PARD3: variants seen among roughly 807,000 people sequenced by gnomAD.
PARD3 encodes par-3 family cell polarity regulator, also known as partitioning defective 3 homolog.
In PARD3, 75 loss-of-function variants were observed where a neutral mutation model predicts 155.4. That is an observed-to-expected ratio of 0.48 (90% CI 0.40 to 0.58). The LOEUF is 0.58. Among genes scored for constraint, PARD3 ranks in the 20% least tolerant of loss-of-function variants. The pLI is 0.00. For missense variants in PARD3, 1,642 were observed against 1,721.7 expected (o/e 0.95, Z 0.82); for synonymous variants, 576 against 610.5 (o/e 0.94, Z 0.83).
At chr10:34,735,279 T>A (rs1014520965) in intron 1 of PARD3, among the ~76,000 whole-genome samples, 6 of 152,156 alleles carry the variant, frequency 3.9e-5, no homozygotes, top group African/African-American at 9.7e-5. Context: ...TACACAAGAA[T>A]AAAGCTGTAG....
chr10:34,545,720 A>G (rs1434086335), intron 2 of PARD3, among the ~76,000 whole-genome samples: 2 of 152,024 alleles, frequency 1.3e-5, no homozygotes, highest in Admixed American at 1.3e-4. Flanking sequence ...ACGCCCGGCT[A>G]ATTTTTTTTG....
chr10:34,345,983 A>C (rs1837380253), intron 15 of PARD3: 1 of 984,730 alleles, frequency 1.0e-6, no homozygotes. Context: ...AAATTGTAAA[A>C]ATTATCTTAA....
intron 1 of PARD3, among the ~76,000 whole-genome samples, chr10:34,779,438 G>A (rs1486346741): frequency 6.6e-6 from 1 of 151,730 alleles, no homozygotes; most frequent in Non-Finnish European, 1.5e-5. Flanking sequence ...GTGAAACCCC[G>A]TCTCCACTAA....
At chr10:34,669,854 AT>A (rs2093576420) in intron 2 of PARD3, among the ~76,000 whole-genome samples, 1 of 152,214 alleles carries the variant, frequency 6.6e-6, no homozygotes, top group East Asian at 1.9e-4. Flanking sequence ...AAAAGGATGT[AT>A]TTAAAATTTG....
intron 1 of PARD3, among the ~76,000 whole-genome samples, chr10:34,699,005 G>A (rs2094225100): frequency 6.6e-6 from 1 of 152,098 alleles, no homozygotes; most frequent in Admixed American, 6.6e-5. Flanking sequence ...AAAGTCTGTT[G>A]TCTGTCCTCA....
intron 2 of PARD3, among the ~76,000 whole-genome samples, chr10:34,531,261 C>CCT (rs1475251250): frequency 1.3e-5 from 2 of 152,152 alleles, no homozygotes; most frequent in East Asian, 1.9e-4. Flanking sequence ...CGTGTTTAGG[C>CCT]AGACACTCTT....
At chr10:34,552,917 A>G (rs933599556) in intron 2 of PARD3, among the ~76,000 whole-genome samples, 1 of 152,218 alleles carries the variant, frequency 6.6e-6, no homozygotes, top group African/African-American at 2.4e-5. Context: ...TTTTGCACCA[A>G]CCTAATATAA....
chr10:34,814,011 C>T (rs1844558294), intron 1 of PARD3, among the ~76,000 whole-genome samples: 1 of 152,198 alleles, frequency 6.6e-6, no homozygotes, highest in Non-Finnish European at 1.5e-5. Context: ...ACAATGTTAT[C>T]AGTCCACCAG....
rs545803048 is a variant in PARD3, at chr10:34,732,804, G to A, written c.121-36385C>T. Reference sequence around the variant, plus strand: ...GCCATAATATTTGCCTTTGCAATACGAAAGTTGAGCCTTCAAATAAATGGA... The same window carrying A: ...GCCATAATATTTGCCTTTGCAATACAAAAGTTGAGCCTTCAAATAAATGGA... On this transcript the variant is annotated intron_variant, in intron 1 of 24. Coordinates refer to ENST00000374788, the MANE Select transcript of PARD3 (RefSeq NM_001184785.2). Among the ~76,000 whole-genome samples the A allele has an allele frequency of 9.7e-4, 148 of 152,298 alleles. 3 individuals are homozygous for A. The highest frequency in any genetic ancestry group is 1.5e-3 in the East Asian group (8 of 5,182).
At chr10:34,143,844 T>C (rs1340060803) in intron 22 of PARD3, among the ~76,000 whole-genome samples, 1 of 152,210 alleles carries the variant, frequency 6.6e-6, no homozygotes, top group Non-Finnish European at 1.5e-5. Context: ...GAGTTTGTAT[T>C]ACTGTTTTTA....
At chr10:34,807,721 T>C (rs1030359048) in intron 1 of PARD3, among the ~76,000 whole-genome samples, 1 of 152,072 alleles carries the variant, frequency 6.6e-6, no homozygotes, top group Non-Finnish European at 1.5e-5. Flanking sequence ...ATAAAATATA[T>C]ACAGAATAGA....
At chr10:34,694,629 G>T (rs2094132197) in intron 2 of PARD3, among the ~76,000 whole-genome samples, 1 of 151,664 alleles carries the variant, frequency 6.6e-6, no homozygotes, top group Non-Finnish European at 1.5e-5. Flanking sequence ...CGCCACCACA[G>T]CCGGCTAATT....
chr10:34,147,947 G>A (rs650212), intron 22 of PARD3, among the ~76,000 whole-genome samples: 35,622 of 151,974 alleles, frequency 0.23, 5,340 homozygotes, highest in Non-Finnish European at 0.32. Context: ...CAAAACATCT[G>A]CTAAAACTCA....
chr10:34,755,553 T>C (rs1432126819), intron 1 of PARD3, among the ~76,000 whole-genome samples: 1 of 152,212 alleles, frequency 6.6e-6, no homozygotes. Context: ...CTATGCTCAG[T>C]GCTACTAGGA....
chr10:34,711,206 GA>G (rs2094445244), intron 1 of PARD3, among the ~76,000 whole-genome samples: 1 of 151,822 alleles, frequency 6.6e-6, no homozygotes, highest in Non-Finnish European at 1.5e-5. Flanking sequence ...CCCCCTCCAT[GA>G]AATGTGCTCC....
At chr10:34,808,929 C>T (rs564671894) in intron 1 of PARD3, among the ~76,000 whole-genome samples, 8 of 152,322 alleles carry the variant, frequency 5.3e-5, no homozygotes, top group Non-Finnish European at 7.4e-5. Flanking sequence ...GAATCAGAGG[C>T]GCCAGACCAA....
rs1034152215 is a variant in PARD3 at position 34,246,791 on chromosome 10, C to T, written c.3419+22866G>A. 6.6e-5 allele frequency among the ~76,000 whole-genome samples: 10 copies of T among 152,046 alleles called. No homozygotes were observed. The South Asian group carries it at 8.3e-4, about 13-fold the overall frequency. The stretch of plus-strand genomic sequence containing the variant: ...CAGGGTATTCAGTCAAGGAGGGCTA[C>T]GCCTTGGAAATGGGGCTAAATTAGG... On this transcript the variant is annotated intron_variant, in intron 22 of 24. Coordinates refer to ENST00000374788, the MANE Select transcript of PARD3 (RefSeq NM_001184785.2).
chr10:34,748,693 CT>C (rs1261021008), intron 1 of PARD3, among the ~76,000 whole-genome samples: 1 of 152,100 alleles, frequency 6.6e-6, no homozygotes, highest in African/African-American at 2.4e-5. Flanking sequence ...GGCTCACCTC[CT>C]CCGTAACACT....
intron 21 of PARD3, 65 bp downstream of exon 21, chr10:34,284,070 A>G: frequency 1.1e-6 from 1 of 901,102 alleles, no homozygotes. Flanking sequence ...AAAAAAGAAG[A>G]AAGTAGAAAG....
Sources: allele counts gnomAD v4.1 joint callset (sites outside exome capture counted in the v4.1 genomes callset), GRCh38; gene constraint gnomAD v4.1.1; transcripts MANE v1.5; gene names NCBI Gene and HGNC (gene_info 2026-07-23, HGNC 2026-07-21).